COA6: variants seen among roughly 807,000 people sequenced by gnomAD.
COA6 encodes cytochrome c oxidase assembly factor 6 homolog.
A neutral mutation model predicts 17.1 loss-of-function variants in COA6; 12 were observed. The observed-to-expected ratio is 0.70, with a 90% confidence interval of 0.45 to 1.14. The LOEUF is 1.14. COA6 is among the 50% of genes most tolerant of loss of function. The probability of loss-of-function intolerance (pLI) is 0.00; values close to 1 mark genes in which losing one functional copy is unlikely to be tolerated. For synonymous variants in COA6, 90 were observed against 73.4 expected (o/e 1.23, Z -1.16); for missense variants, 246 against 196.5 (o/e 1.25, Z -1.51).
In COA6 at chr1:234,374,127, T is replaced by C. The variant is rs1050649402; in HGVS notation, c.213-103T>C. 5 of 1,206,942 alleles carry C rather than the reference T, an allele frequency of 4.1e-6. No individual in the cohort carries two copies. In the African/African-American group the frequency reaches 7.7e-5, roughly 19 times the overall value. The allele number at this position is 1,206,942 out of a possible 1,614,324, so 74.8% of individuals were successfully genotyped here. On this transcript the variant is annotated intron_variant, in intron 1 of 2. Transcript: ENST00000366615. ...TTTTGTTTTTGTTTTTTTTTTTTTT[T>C]TTAGTTTTAAAGGAAGAGGAGATTG...
chr1:234,374,333 G>A lies in COA6; in HGVS notation c.316G>A (p.Ala106Thr). The A allele has an allele frequency of 6.2e-7, 1 of 1,614,114 alleles. No homozygotes were observed. The highest frequency in any genetic ancestry group is 8.5e-7 in the Non-Finnish European group (1 of 1,180,012). Reference sequence around the variant, plus strand: ...GTGTTTAGATGAGAACTTAGAGGATGCTTCTCAATGCAAGAAGTTAAGAAG... The same window carrying A: ...GTGTTTAGATGAGAACTTAGAGGATACTTCTCAATGCAAGAAGTTAAGAAG... ...WKCLDENLED[A>T]SQCKKLRSSF... The change falls in exon 2 of 3, where the codon GCT (alanine) becomes ACT (threonine). Residue 106 changes from alanine (A) to threonine (T), a missense_variant. Ala to Thr is a moderately conservative substitution (Grantham distance 58, BLOSUM62 0). Coordinates refer to ENST00000366615, the MANE Select transcript of COA6 (RefSeq NM_001206641.3).
intron 2 of COA6, among the ~76,000 whole-genome samples, chr1:234,383,442 G>A (rs1055627945): frequency 6.6e-6 from 1 of 151,644 alleles, no homozygotes; most frequent in Non-Finnish European, 1.5e-5. Context: ...GTTAAATGGC[G>A]AGTTACTGGG....
At chr1:234,376,960 GTT>G (rs951363896) in intron 2 of COA6, among the ~76,000 whole-genome samples, 10 of 152,060 alleles carry the variant, frequency 6.6e-5, no homozygotes, top group East Asian at 5.8e-4. Context: ...TTCTCATAGT[GTT>G]GGAGGCTGGA....
rs564814485 is a variant in COA6, at chr1:234,383,929, C to T, written c.*111C>T. ...AACATCAATACTTGTTCCCTATATA[C>T]GACACTTGATAATTAAGATGATCAA... On this transcript the variant is annotated 3_prime_UTR_variant, in exon 3 of 3. Transcript: ENST00000366615. The T allele has an allele frequency of 1.8e-5, 9 of 507,746 alleles. No homozygotes were observed. Among genetic ancestry groups the T allele is most frequent in the Middle Eastern group, 3.6e-4 (1 of 2,796 alleles). The allele number at this position is 507,746 out of a possible 1,614,324, so 31.5% of individuals were successfully genotyped here. A position where few individuals can be genotyped will look rare whatever the true frequency, so the allele number is the denominator to read the frequency against.
At chr1:234,380,041 A>C (rs1310823342) in intron 2 of COA6, among the ~76,000 whole-genome samples, 1 of 152,368 alleles carries the variant, frequency 6.6e-6, no homozygotes, top group East Asian at 1.9e-4. Context: ...TGACTTCTGC[A>C]GCATTTGACA....
At position 234,374,297 on chromosome 1, in the gene COA6, G is replaced by A. The variant is rs1337576074; in HGVS notation, c.280G>A (p.Glu94Lys). ...ERQVCWGARD[E>K]YWKCLDENLE... ...ACAGGTCTGCTGGGGGGCCCGGGATGAGTACTGGAAGTGTTTAGATGAGAA... is the reference window on the plus strand; with the variant it reads ...ACAGGTCTGCTGGGGGGCCCGGGATAAGTACTGGAAGTGTTTAGATGAGAA... The change falls in exon 2 of 3, where the codon GAG becomes AAG. Residue 94 changes from glutamate to lysine, a missense_variant. By Grantham distance (56) the Glu-to-Lys change is moderately conservative (BLOSUM62 1). Coordinates refer to ENST00000366615, the MANE Select transcript of COA6 (RefSeq NM_001206641.3). 6.2e-7 allele frequency: 1 copy of A among 1,613,938 alleles called. No homozygotes were observed. Among genetic ancestry groups the A allele is most frequent in the African/African-American group, 1.3e-5 (1 of 74,910 alleles).
intron 2 of COA6, among the ~76,000 whole-genome samples, chr1:234,383,064 G>GAAGGAAGGAAGGGA (rs1553268861): frequency 8.9e-6 from 1 of 112,426 alleles, no homozygotes; most frequent in Non-Finnish European, 1.9e-5. Flanking sequence ...GGGAGGGAGG[G>GAAGGAAGGAAGGGA]AGGGAAGGGA....
At chr1:234,379,458 A>G (rs1284967664) in intron 2 of COA6, among the ~76,000 whole-genome samples, 2 of 152,204 alleles carry the variant, frequency 1.3e-5, no homozygotes, top group African/African-American at 4.8e-5. Context: ...AGATCATTGA[A>G]GAGGTCAAGG....
chr1:234,382,594 C>G (rs1659007241), intron 2 of COA6, among the ~76,000 whole-genome samples: 1 of 152,136 alleles, frequency 6.6e-6, no homozygotes, highest in Non-Finnish European at 1.5e-5. Flanking sequence ...ATTTGCAGTC[C>G]AAGATAATTT....
chr1:234,383,783 C>A lies in COA6; in HGVS notation c.433C>A (p.Gln145Lys). 6.3e-7 allele frequency: 1 copy of A among 1,576,370 alleles called. No homozygotes were observed. The highest frequency in any genetic ancestry group is 8.7e-7 in the Non-Finnish European group (1 of 1,149,008). ...LKFKEKFEAG[Q>K]FEPSETTAKS is the part of the protein sequence containing the mutation. Reference sequence around the variant, plus strand: ...ATTCAAAGAAAAATTTGAAGCAGGACAATTTGAGCCTTCAGAAACAACTGC... The same window carrying A: ...ATTCAAAGAAAAATTTGAAGCAGGAAAATTTGAGCCTTCAGAAACAACTGC... The change falls in exon 3 of 3, where the codon CAA becomes AAA. Residue 145 changes from glutamine (Q) to lysine (K), a missense_variant. Gln to Lys is a moderately conservative substitution (Grantham distance 53). Coordinates refer to ENST00000366615, the MANE Select transcript of COA6 (RefSeq NM_001206641.3).
intron 2 of COA6, 122 bp downstream of exon 2, chr1:234,374,511 G>A (rs897983696): frequency 3.0e-6 from 3 of 1,004,978 alleles, no homozygotes; most frequent in Admixed American, 2.4e-5. Context: ...TTGAGGCGCA[G>A]AGAAAACCTT....
chr1:234,380,217 C>T (rs1658933714), intron 2 of COA6, among the ~76,000 whole-genome samples: 1 of 152,142 alleles, frequency 6.6e-6, no homozygotes, highest in Non-Finnish European at 1.5e-5. Flanking sequence ...ACTCAATTGC[C>T]ACAGAATAAA....
rs939206058 is a variant in COA6, at chr1:234,373,813, C to G, written c.212+135C>G. The stretch of plus-strand genomic sequence containing the variant: ...AATCGCCTGCTTGGTGATTGTGGCC[C>G]CCACACACCTGTTTCTACAGCGCTT... On this transcript the variant is annotated intron_variant, in intron 1 of 2. Transcript: ENST00000366615. 11 of 1,613,524 alleles carry G rather than the reference C, an allele frequency of 6.8e-6. No individual in the cohort carries two copies. The African/African-American group carries it at 1.5e-4, about 22-fold the overall frequency.
chr1:234,374,397 A>T lies in COA6; in HGVS notation c.372+8A>T. The stretch of plus-strand genomic sequence containing the variant: ...AGTTGTCCCCAACAGTGGGTAAGTC[A>T]CACTTTGATGTGTTTCTCTTCCCTG... On this transcript the variant is annotated splice_region_variant and intron_variant, in intron 2 of 2. Transcript: ENST00000366615. The T allele has an allele frequency of 6.2e-7, 1 of 1,613,736 alleles. No homozygotes were observed. Among genetic ancestry groups the T allele is most frequent in the Non-Finnish European group, 8.5e-7 (1 of 1,179,846 alleles).
At chr1:234,373,778 G>GT in intron 1 of COA6, 100 bp downstream of exon 1, 1 of 1,613,792 alleles carries the variant, frequency 6.2e-7, no homozygotes, top group South Asian at 1.1e-5. Context: ...GCAAAACGGG[G>GT]TGGCACTCCA....
intron 2 of COA6, among the ~76,000 whole-genome samples, chr1:234,379,367 A>G (rs1047842862): frequency 4.6e-5 from 7 of 152,186 alleles, no homozygotes; most frequent in Admixed American, 1.3e-4. Flanking sequence ...GATTCTCACA[A>G]TTGGAATTAT....
rs186930713 is a variant in COA6 at position 234,381,223 on chromosome 1, A to G, written c.373-2500A>G. ...CACACTACTGTCCTGGGTCTTATTCAGTGGTTTAGAGACCACTCGCATATG... is the reference window on the plus strand; with the variant it reads ...CACACTACTGTCCTGGGTCTTATTCGGTGGTTTAGAGACCACTCGCATATG... On this transcript the variant is annotated intron_variant, in intron 2 of 2. Transcript: ENST00000366615. Among the ~76,000 whole-genome samples, 29 of 152,320 alleles carry G rather than the reference A, an allele frequency of 1.9e-4. 1 individual carries two copies. The East Asian group carries it at 5.6e-3, about 29-fold the overall frequency.
chr1:234,383,643 A>G (rs1390649385), intron 2 of COA6, 80 bp from the exon 3 acceptor site: 3 of 651,194 alleles, frequency 4.6e-6, no homozygotes. Flanking sequence ...GTTGAATAAT[A>G]TGTTACATTT....
At chr1:234,377,446 T>A (rs1407855730) in intron 2 of COA6, among the ~76,000 whole-genome samples, 3 of 152,030 alleles carry the variant, frequency 2.0e-5, no homozygotes, top group African/African-American at 7.2e-5. Context: ...TATAAGGACA[T>A]TAATCCCATC....
Sources: gnomAD v4.1 joint callset for allele counts (sites outside exome capture counted in the v4.1 genomes callset) on GRCh38, gnomAD v4.1.1 for gene constraint, MANE v1.5 for transcripts, NCBI Gene and HGNC (gene_info 2026-07-23, HGNC 2026-07-21) for gene names.